The following ARHGAP26 variants were observed in gnomAD, a reference collection of about 807,000 sequenced individuals.
The protein encoded by ARHGAP26 is Rho GTPase activating protein 26.
In ARHGAP26, 38 loss-of-function variants were observed where a neutral mutation model predicts 104.8. The observed-to-expected ratio is 0.36, with a 90% CI of 0.28 to 0.48. The LOEUF (loss-of-function observed/expected upper bound fraction) is 0.48. ARHGAP26 is among the 20% of genes least tolerant of loss of function. The pLI, the probability that ARHGAP26 is intolerant of heterozygous loss-of-function variation, is 0.99. For synonymous variants in ARHGAP26, 341 were observed against 340.0 expected, an observed-to-expected ratio of 1.00 and a Z score of -0.03; for missense variants, 704 against 947.9, an observed-to-expected ratio of 0.74 and a Z score of 3.38.
rs189191140 is a variant in ARHGAP26, at chr5:143,226,219, C to A, written c.*3773C>A. ...TGCCATGGCCGGGTGCAGTGGCTCA[C>A]GCCTATAATCCCAGCACTTTGGGAG... On this transcript the variant is annotated 3_prime_UTR_variant, in exon 23 of 23. Transcript: ENST00000645722. 5.5e-6 allele frequency: 1 copy of A among 180,400 alleles called. No individual in the cohort carries two copies. Among genetic ancestry groups the A allele is most frequent in the African/African-American group, 2.4e-5 (1 of 42,394 alleles). 11.2% of individuals were successfully genotyped at this position (180,400 alleles called of 1,614,324 possible).
chr5:142,815,815 G>C (rs1691126615), intron 1 of ARHGAP26, among the ~76,000 whole-genome samples: 2 of 151,912 alleles, frequency 1.3e-5, no homozygotes, highest in South Asian at 4.2e-4. Context: ...ATTTTTTTGA[G>C]ACCAGGTCTC....
chr5:142,784,442 T>C (rs1469335646), intron 1 of ARHGAP26, among the ~76,000 whole-genome samples: 1 of 152,236 alleles, frequency 6.6e-6, no homozygotes, highest in African/African-American at 2.4e-5. Flanking sequence ...AATTTGTACA[T>C]GAAGATGATC....
intron 17 of ARHGAP26, among the ~76,000 whole-genome samples, chr5:143,062,400 G>C: frequency 6.6e-6 from 1 of 152,076 alleles, no homozygotes; most frequent in East Asian, 1.9e-4. Context: ...AAATTCTGTA[G>C]ATCACTGGGA....
At chr5:142,823,505 C>T (rs980689604) in intron 1 of ARHGAP26, among the ~76,000 whole-genome samples, 4 of 151,926 alleles carry the variant, frequency 2.6e-5, no homozygotes, top group Middle Eastern at 3.2e-3. Flanking sequence ...GACTGTGTGA[C>T]GTTATACACC....
chr5:143,083,452 A>C (rs932217937), intron 17 of ARHGAP26, among the ~76,000 whole-genome samples: 11 of 152,274 alleles, frequency 7.2e-5, no homozygotes, highest in African/African-American at 2.4e-4. Context: ...GAGCACAGTA[A>C]ATATTTTTTG....
intron 22 of ARHGAP26, among the ~76,000 whole-genome samples, chr5:143,218,483 A>G (rs1459043836): frequency 6.6e-6 from 1 of 152,176 alleles, no homozygotes; most frequent in Admixed American, 6.5e-5. Context: ...CTTTTAGTTA[A>G]GACTTCTTTT....
chr5:143,180,285 C>T (rs1346361151), intron 20 of ARHGAP26, among the ~76,000 whole-genome samples: 1 of 152,096 alleles, frequency 6.6e-6, no homozygotes, highest in Non-Finnish European at 1.5e-5. Context: ...ACCACCACAC[C>T]CAGCTAATTT....
chr5:142,884,939 C>T (rs1757500224), intron 4 of ARHGAP26, among the ~76,000 whole-genome samples: 2 of 152,198 alleles, frequency 1.3e-5, no homozygotes, highest in African/African-American at 4.8e-5. Flanking sequence ...TAGGTACCCC[C>T]ACTGCTGCTG....
intron 20 of ARHGAP26, among the ~76,000 whole-genome samples, chr5:143,186,947 C>T (rs1336195193): frequency 6.6e-6 from 1 of 152,184 alleles, no homozygotes; most frequent in African/African-American, 2.4e-5. Flanking sequence ...GGTACAAATA[C>T]CAAGTCCTTA....
intron 1 of ARHGAP26, among the ~76,000 whole-genome samples, chr5:142,811,949 C>T (rs1235538599): frequency 6.6e-6 from 1 of 152,172 alleles, no homozygotes; most frequent in African/African-American, 2.4e-5. Context: ...TTGCAGCCTC[C>T]TCACCTAATC....
At chr5:143,070,729 G>A (rs1788119876) in intron 17 of ARHGAP26, among the ~76,000 whole-genome samples, 2 of 152,112 alleles carry the variant, frequency 1.3e-5, no homozygotes, top group African/African-American at 4.8e-5. Flanking sequence ...GGCTAATATG[G>A]TGAAGCTCCA....
At chr5:143,075,743 G>C (rs1205384941) in intron 17 of ARHGAP26, among the ~76,000 whole-genome samples, 1 of 152,166 alleles carries the variant, frequency 6.6e-6, no homozygotes, top group African/African-American at 2.4e-5. Context: ...CTGTCACCCA[G>C]GCTGGAGTGC....
At chr5:143,089,857 G>A (rs976086632) in intron 17 of ARHGAP26, among the ~76,000 whole-genome samples, 8 of 152,154 alleles carry the variant, frequency 5.3e-5, no homozygotes, top group African/African-American at 1.7e-4. Flanking sequence ...GCCTTCTCTC[G>A]CTTCACGATG....
intron 1 of ARHGAP26, among the ~76,000 whole-genome samples, chr5:142,866,475 G>T (rs1754300698): frequency 6.6e-6 from 1 of 152,148 alleles, no homozygotes; most frequent in Non-Finnish European, 1.5e-5. Context: ...GTACTTGGTA[G>T]GTACAGTATT....
At chr5:142,780,640 G>T (rs1757303221) in intron 1 of ARHGAP26, among the ~76,000 whole-genome samples, 1 of 152,214 alleles carries the variant, frequency 6.6e-6, no homozygotes, top group Non-Finnish European at 1.5e-5. Context: ...GCTGTACCTA[G>T]AAATCAGTTG....
intron 11 of ARHGAP26, among the ~76,000 whole-genome samples, chr5:142,973,362 G>A (rs1772562038): frequency 6.6e-6 from 1 of 152,178 alleles, no homozygotes; most frequent in Admixed American, 6.5e-5. Flanking sequence ...TGACAGTAGC[G>A]ACATCCAAAA....
At chr5:142,775,750 A>G (rs1050534845) in intron 1 of ARHGAP26, among the ~76,000 whole-genome samples, 18 of 152,188 alleles carry the variant, frequency 1.2e-4, no homozygotes, top group Non-Finnish European at 2.1e-4. Flanking sequence ...TATCTGGCTT[A>G]TTTCACTTAG....
chr5:143,090,706 A>G (rs1032308522), intron 17 of ARHGAP26, among the ~76,000 whole-genome samples: 1 of 152,226 alleles, frequency 6.6e-6, no homozygotes, highest in Non-Finnish European at 1.5e-5. Flanking sequence ...CTGTCCCTCT[A>G]GTAAAATGAA....
At chr5:142,814,789 G>C (rs1393918345) in intron 1 of ARHGAP26, among the ~76,000 whole-genome samples, 1 of 152,186 alleles carries the variant, frequency 6.6e-6, no homozygotes, top group East Asian at 1.9e-4. Context: ...CTATCTGTAA[G>C]ATGGTAATGA....
Sources: gnomAD v4.1 joint callset for allele counts (sites outside exome capture counted in the v4.1 genomes callset) on GRCh38, gnomAD v4.1.1 for gene constraint, MANE v1.5 for transcripts, NCBI Gene and HGNC (gene_info 2026-07-23, HGNC 2026-07-21) for gene names.